SLC9A3: variants seen among roughly 807,000 people sequenced by gnomAD.
SLC9A3 encodes sodium/hydrogen exchanger 3.
Under a neutral mutation model 86.8 loss-of-function variants are expected in SLC9A3, and 37 were observed. The ratio of observed to expected loss-of-function variants is 0.43; its 90% CI spans 0.33 to 0.56. The LOEUF is 0.56. Ranked by LOEUF, SLC9A3 falls within the 20% of genes least tolerant of loss-of-function variation. The pLI is 0.06. For missense variants in SLC9A3, 1,011 were observed against 1,171.9 expected, an observed-to-expected ratio of 0.86 and a Z score of 2.00; for synonymous variants, 581 against 528.3, an observed-to-expected ratio of 1.10 and a Z score of -1.37.
rs1739559733 is a variant in SLC9A3, at chr5:488,240, C to G, written c.675+76G>C. The G allele has an allele frequency of 2.0e-6, 3 of 1,530,570 alleles. No homozygotes were observed. In the Admixed American group the frequency reaches 5.3e-5, roughly 27 times the overall value. The allele number at this position is 1,530,570 out of a possible 1,614,324, so 94.8% of individuals were successfully genotyped here. On this transcript the variant is annotated intron_variant, in intron 3 of 16. Transcript: ENST00000264938. ...AGGGTTTCACGCCCTCCTTTGCTGA[C>G]TGACCGATGGGGGGTGAGACGGGGC...
At chr5:521,793 C>T (rs1733890702) in intron 1 of SLC9A3, among the ~76,000 whole-genome samples, 2 of 152,136 alleles carry the variant, frequency 1.3e-5, no homozygotes, top group African/African-American at 4.8e-5. Context: ...GGTCGTGCAC[C>T]TGAGGCTGGC....
chr5:497,823 C>T lies in SLC9A3; in HGVS notation c.212-5752G>A, dbSNP rs1176810189. On this transcript the variant is annotated intron_variant, in intron 1 of 16. Coordinates refer to ENST00000264938, the MANE Select transcript of SLC9A3 (RefSeq NM_004174.4). The surrounding 1 kb of genome is among the most constrained non-coding windows in gnomAD (Gnocchi z 5.4). The stretch of plus-strand genomic sequence containing the variant: ...TGTCCCGGGTGGGGTCGCCCGGCCG[C>T]ATCCCCAGCCTCTGCCCCTGTCCCG... Among the ~76,000 whole-genome samples the T allele has an allele frequency of 6.9e-5, 3 of 43,274 alleles. No homozygotes were observed. Among genetic ancestry groups the T allele is most frequent in the Admixed American group, 2.6e-4 (1 of 3,912 alleles). The allele number at this position is 43,274 out of a possible 152,430, so 28.4% of individuals were successfully genotyped here. A position where few individuals can be genotyped will look rare whatever the true frequency, so the allele number is the denominator to read the frequency against.
rs376858466 is a variant in SLC9A3 at position 482,539 on chromosome 5, G to A, written c.1356+9C>T. 522 of 1,604,700 alleles carry A rather than the reference G, an allele frequency of 3.3e-4. No individual in the cohort carries two copies. Among genetic ancestry groups the A allele is most frequent in the Non-Finnish European group, 4.3e-4 (499 of 1,173,508 alleles). ...CCGAGACCCCAGGGCTGGCTGGGCT[G>A]GGCCTCACCTGGAAGATGACGGTGA... On this transcript the variant is annotated intron_variant, in intron 7 of 16. Transcript: ENST00000264938.
chr5:471,942 G>C lies in SLC9A3; in HGVS notation c.*1437C>G. ...ATAAAACTCTTTAAGAACTCCTCCT[G>C]ACTGGTGACTGTCAACACTTGATCT... On this transcript the variant is annotated 3_prime_UTR_variant, in exon 17 of 17. Coordinates refer to ENST00000264938, the MANE Select transcript of SLC9A3 (RefSeq NM_004174.4). 2.2e-6 allele frequency: 1 copy of C among 456,648 alleles called. No individual in the cohort carries two copies. The highest frequency in any genetic ancestry group is 4.4e-6 in the Non-Finnish European group (1 of 226,978). The allele number at this position is 456,648 out of a possible 1,614,324, so 28.3% of individuals were successfully genotyped here.
rs1202849147 is a variant in SLC9A3 at position 470,593 on chromosome 5, C to T, written c.*2786G>A. ...GCCCTCCCTGTCTGGACACTGCCAA[C>T]CCACAGCTGGAGGGGCACTTAAGGC... On this transcript the variant is annotated 3_prime_UTR_variant, in exon 17 of 17. Transcript: ENST00000264938. 2 of 152,318 alleles carry T rather than the reference C, an allele frequency of 1.3e-5. No homozygotes were observed. Among genetic ancestry groups the T allele is most frequent in the Non-Finnish European group, 2.9e-5 (2 of 68,050 alleles). The allele number at this position is 152,318 out of a possible 1,614,324, so 9.4% of individuals were successfully genotyped here. A position where few individuals can be genotyped will look rare whatever the true frequency, so the allele number is the denominator to read the frequency against.
At chr5:476,158 T>C in intron 13 of SLC9A3, 44 bp downstream of exon 13, 1 of 1,612,304 alleles carries the variant, frequency 6.2e-7, no homozygotes, top group Admixed American at 1.7e-5. Context: ...CTGCCCCCGC[T>C]CCAGGCCCCA....
At chr5:506,655 G>C (rs1206803694) in intron 1 of SLC9A3, among the ~76,000 whole-genome samples, 2 of 152,172 alleles carry the variant, frequency 1.3e-5, no homozygotes, top group South Asian at 4.1e-4. Context: ...TGATAATCTC[G>C]ACTTTTCTGG....
intron 1 of SLC9A3, among the ~76,000 whole-genome samples, chr5:511,625 G>A (rs1740872530): frequency 6.6e-6 from 1 of 152,228 alleles, no homozygotes; most frequent in African/African-American, 2.4e-5. Flanking sequence ...CCGAAACCCA[G>A]GACACGGATA....
At position 524,201 on chromosome 5, in the gene SLC9A3, CCCCCG is replaced by C; in HGVS notation, c.117_121del (p.Ser39ArgfsTer161). ...CCACTCGAAGGTGACCACCTGGAAG[CCCCCG>C]CTCTCGCCGTGCGCGCCGCCGGGCT... On this transcript the variant is annotated frameshift_variant, in exon 1 of 17. Transcript: ENST00000264938. LOFTEE classifies it high-confidence loss of function. 1 of 1,535,216 alleles carries C rather than the reference CCCCCG, an allele frequency of 6.5e-7. No homozygotes were observed. Among genetic ancestry groups the C allele is most frequent in the Non-Finnish European group, 8.7e-7 (1 of 1,143,888 alleles).
At chr5:473,580 C>T (rs982747327) in intron 16 of SLC9A3, among the ~76,000 whole-genome samples, 198 bp from the exon 17 acceptor site, 1 of 152,136 alleles carries the variant, frequency 6.6e-6, no homozygotes, top group Non-Finnish European at 1.5e-5. Context: ...AACAGCGAAG[C>T]CCCAGCCCGG....
At chr5:495,263 G>A (rs948538336) in intron 1 of SLC9A3, among the ~76,000 whole-genome samples, 8 of 152,120 alleles carry the variant, frequency 5.3e-5, no homozygotes, top group African/African-American at 1.4e-4. Context: ...GATCACCACC[G>A]TTGTGAAGCC....
chr5:473,013 G>A lies in SLC9A3; in HGVS notation c.*366C>T. The stretch of plus-strand genomic sequence containing the variant: ...CAGCGCGTGCGGCGGTGCGTGGCAC[G>A]AGGGCGGCAGCGACGCCAGCTTCAG... On this transcript the variant is annotated 3_prime_UTR_variant, in exon 17 of 17. Coordinates refer to ENST00000264938, the MANE Select transcript of SLC9A3 (RefSeq NM_004174.4). The A allele has an allele frequency of 1.1e-5, 5 of 438,722 alleles. No individual in the cohort carries two copies. Among genetic ancestry groups the A allele is most frequent in the East Asian group, 3.9e-5 (1 of 25,956 alleles). The allele number at this position is 438,722 out of a possible 1,614,324, so 27.2% of individuals were successfully genotyped here.
chr5:478,373 G>T (rs1738902841), intron 10 of SLC9A3: 1 of 152,358 alleles, frequency 6.6e-6, no homozygotes, highest in Admixed American at 6.5e-5. Context: ...GGCGAGGGCT[G>T]TGCAGCACCC....
chr5:517,875 A>T (rs1733781121), intron 1 of SLC9A3, among the ~76,000 whole-genome samples: 1 of 150,410 alleles, frequency 6.6e-6, no homozygotes, highest in South Asian at 2.1e-4. Flanking sequence ...TCATCCATCC[A>T]TCCATCCACT....
At chr5:509,225 G>C (rs1259832111) in intron 1 of SLC9A3, among the ~76,000 whole-genome samples, 1 of 151,958 alleles carries the variant, frequency 6.6e-6, no homozygotes, top group African/African-American at 2.4e-5. Context: ...ATGGTGGAGC[G>C]GATCACTTGA....
At chr5:483,526 C>T (rs972967365) in intron 5 of SLC9A3, 44 bp from the exon 6 acceptor site, 25 of 1,388,366 alleles carry the variant, frequency 1.8e-5, no homozygotes, top group Middle Eastern at 1.9e-4. Context: ...CCTGGCCTGG[C>T]GCCCGAGGCC....
rs202021459 is a variant in SLC9A3, at chr5:483,304, C to T, written c.1111G>A (p.Val371Met). ...PFIWTWNTAF[V>M]LLTLVFISVY... ...GAGATGAAGACCAGCGTCAGGAGCA[C>T]GAAGGCCGTGTTCCAGGTCCAGATG... The change falls in exon 6 of 17, where the codon GTG becomes ATG. Residue 371 changes from valine (V) to methionine (M), a missense_variant. Coordinates refer to ENST00000264938, the MANE Select transcript of SLC9A3 (RefSeq NM_004174.4). 125 of 1,560,168 alleles carry T rather than the reference C, an allele frequency of 8.0e-5. 3 individuals carry two copies. In the South Asian group the frequency reaches 1.0e-3, roughly 13 times the overall value.
At chr5:477,270 T>C in intron 11 of SLC9A3, 62 bp downstream of exon 11, 1 of 1,221,202 alleles carries the variant, frequency 8.2e-7, no homozygotes, top group Non-Finnish European at 1.2e-6. Flanking sequence ...GCCCTGTCTG[T>C]GACTCTCAGC....
chr5:485,189 C>T lies in SLC9A3; in HGVS notation c.718G>A (p.Asp240Asn). The stretch of plus-strand genomic sequence containing the variant: ...ACGCAGTCCACGCCAGTCACGTTGT[C>T]ACCTCCCAGCGCCACGAAAGATTCA... ...VFESFVALGG[D>N]NVTGVDCVKG... is the part of the protein sequence containing the mutation. Residue 240 changes from aspartate (D) to asparagine (N), a missense_variant, in exon 4 of 17, where the codon GAC becomes AAC. By Grantham distance (23) the Asp-to-Asn change is conservative. Around this residue, in one of 3 missense-constraint regions of SLC9A3, gnomAD observed 565 missense variants for 790.0 expected, o/e 0.72. Coordinates refer to ENST00000264938, the MANE Select transcript of SLC9A3 (RefSeq NM_004174.4). The T allele has an allele frequency of 9.3e-6, 15 of 1,613,974 alleles. No individual in the cohort carries two copies. Among genetic ancestry groups the T allele is most frequent in the Non-Finnish European group, 1.3e-5 (15 of 1,180,022 alleles).
Sources: gnomAD v4.1 joint callset for allele counts (sites outside exome capture counted in the v4.1 genomes callset) on GRCh38, gnomAD v4.1.1 for gene constraint, gnomAD v4.1.1 regional missense constraint, Gnocchi (gnomAD v3.1) non-coding constraint, MANE v1.5 for transcripts, NCBI Gene and HGNC (gene_info 2026-07-23, HGNC 2026-07-21) for gene names.